Variants in GRIK1 observed in about 807,000 individuals in gnomAD.
GRIK1 encodes glutamate receptor ionotropic, kainate 1.
Under a neutral mutation model 105.7 loss-of-function variants are expected in GRIK1, and 69 were observed. The observed-to-expected ratio is 0.65, with a 90% CI of 0.54 to 0.80. GRIK1 has a LOEUF of 0.80. Ranked by LOEUF, GRIK1 falls within the 30% of genes least tolerant of loss-of-function variation. The pLI is 0.00. For missense variants in GRIK1, 1,109 were observed against 1,167.3 expected, an observed-to-expected ratio of 0.95 and a Z score of 0.73; for synonymous variants, 438 against 431.3, an observed-to-expected ratio of 1.02 and a Z score of -0.19.
chr21:29,566,470 G>A (rs144582827), intron 14 of GRIK1, among the ~76,000 whole-genome samples: 218 of 152,262 alleles, frequency 1.4e-3, no homozygotes, highest in African/African-American at 5.1e-3. Flanking sequence ...TCCTCATGCT[G>A]ATGAAACATT....
At chr21:29,710,017 G>A (rs1370560154) in intron 1 of GRIK1, among the ~76,000 whole-genome samples, 2 of 151,300 alleles carry the variant, frequency 1.3e-5, no homozygotes, top group Non-Finnish European at 3.0e-5. Flanking sequence ...TTTATGGTTT[G>A]GAAGGCAGAT....
At chr21:29,658,300 C>T (rs570407657) in intron 4 of GRIK1, among the ~76,000 whole-genome samples, 3 of 152,142 alleles carry the variant, frequency 2.0e-5, no homozygotes, top group South Asian at 2.1e-4. Context: ...CTCATTCTGT[C>T]GCCCCAGGCT....
chr21:29,745,733 G>C (rs1465073127), intron 1 of GRIK1, among the ~76,000 whole-genome samples: 2 of 152,080 alleles, frequency 1.3e-5, no homozygotes, highest in East Asian at 3.9e-4. Context: ...ATGAAAAGTG[G>C]GTCCATGAAA....
rs368132810 is a variant in GRIK1, at chr21:29,877,999, C to T, written c.118+61384G>A. Among the ~76,000 whole-genome samples the T allele has an allele frequency of 4.2e-4, 64 of 152,156 alleles. No individual in the cohort carries two copies. In the East Asian group the frequency reaches 8.1e-3, roughly 19 times the overall value. On this transcript the variant is annotated intron_variant, in intron 1 of 17. Transcript: ENST00000327783. Reference sequence around the variant, plus strand: ...GTGGAATGTGGGGAGATTAATTATGCCTAGGAGGCACTATGGGAAGAGTTT... The same window carrying T: ...GTGGAATGTGGGGAGATTAATTATGTCTAGGAGGCACTATGGGAAGAGTTT...
chr21:29,938,057 C>A (rs2071834441), intron 1 of GRIK1, among the ~76,000 whole-genome samples: 2 of 152,150 alleles, frequency 1.3e-5, no homozygotes, highest in Admixed American at 1.3e-4. Context: ...TAGCACATTT[C>A]TATTTTTCTT....
In GRIK1 at chr21:29,793,377, T is replaced by A. The variant is rs554611296; in HGVS notation, c.119-99314A>T. Among the ~76,000 whole-genome samples the A allele has an allele frequency of 1.4e-3, 212 of 152,292 alleles. 1 individual carries two copies. Among genetic ancestry groups the A allele is most frequent in the Admixed American group, 0.013 (194 of 15,292 alleles). ...TTGCTCCCCCAAGTCCCATAGTGCC[T>A]AGCTGCTTCCATATGTAACAGCCCT... is the stretch of plus-strand genomic sequence containing the variant. On this transcript the variant is annotated intron_variant, in intron 1 of 17. Transcript: ENST00000327783.
Position 29,561,714 on chromosome 21 carries a change from T to C in GRIK1, c.2266A>G (p.Ser756Gly). 6.2e-7 allele frequency: 1 copy of C among 1,614,140 alleles called. No homozygotes were observed. The highest frequency in any genetic ancestry group is 8.5e-7 in the Non-Finnish European group (1 of 1,179,966). The change falls in exon 15 of 18, where the codon AGC becomes GGC. Residue 756 changes from serine to glycine, a missense_variant. This residue lies in a region of GRIK1 where 264 missense variants were observed against 306.9 expected (regional missense o/e 0.86). Coordinates refer to ENST00000327783, the MANE Select transcript of GRIK1 (RefSeq NM_001330994.2). ...TDYALLMEST[S>G]IEYVTQRNCN... ...TTTCTCTGCGTCACATACTCAATGC[T>C]GGTGGACTCCATCAGCAGCGCGTAG...
intron 1 of GRIK1, among the ~76,000 whole-genome samples, chr21:29,760,848 T>C (rs529122378): frequency 1.3e-4 from 20 of 152,294 alleles, no homozygotes; most frequent in African/African-American, 3.8e-4. Context: ...GATTCACAGC[T>C]CATACAACGC....
At chr21:29,825,116 T>C (rs1021109880) in intron 1 of GRIK1, among the ~76,000 whole-genome samples, 4 of 152,092 alleles carry the variant, frequency 2.6e-5, no homozygotes, top group Admixed American at 2.6e-4. Flanking sequence ...GATTAAAGAA[T>C]AATTCGGTTC....
In GRIK1 at chr21:29,651,882, C is replaced by G. The variant is rs549553161; in HGVS notation, c.781-591G>C. 1.1e-4 allele frequency among the ~76,000 whole-genome samples: 17 copies of G among 151,864 alleles called. No individual in the cohort carries two copies. The South Asian group carries it at 3.5e-3, about 32-fold the overall frequency. On this transcript the variant is annotated intron_variant, in intron 5 of 17. Transcript: ENST00000327783. ...GCTATAGATTAAAACAAAATGGCAG[C>G]CGTACCACACTATTTCAATAAAAGA... is the stretch of plus-strand genomic sequence containing the variant.
At chr21:29,725,680 G>A (rs1236992006) in intron 1 of GRIK1, among the ~76,000 whole-genome samples, 3 of 152,152 alleles carry the variant, frequency 2.0e-5, no homozygotes, top group Non-Finnish European at 4.4e-5. Context: ...TACAAAGAAT[G>A]AACTGTAATA....
intron 1 of GRIK1, among the ~76,000 whole-genome samples, chr21:29,779,025 G>A (rs2066019140): frequency 6.6e-6 from 1 of 152,170 alleles, no homozygotes. Context: ...AAGAAAATAA[G>A]TCTTCCTATT....
intron 1 of GRIK1, among the ~76,000 whole-genome samples, chr21:29,911,613 C>G (rs1351246313): frequency 1.3e-5 from 2 of 152,020 alleles, no homozygotes; most frequent in African/African-American, 4.8e-5. Context: ...TGGGATGGTA[C>G]TGGTAGGCGG....
chr21:29,616,243 C>T (rs1227456010), intron 7 of GRIK1, among the ~76,000 whole-genome samples: 1 of 152,190 alleles, frequency 6.6e-6, no homozygotes, highest in African/African-American at 2.4e-5. Flanking sequence ...TTTTCAGACA[C>T]AGGAGACTGA....
chr21:29,711,132 A>G (rs2146814455), intron 1 of GRIK1, among the ~76,000 whole-genome samples: 1 of 152,310 alleles, frequency 6.6e-6, no homozygotes, highest in East Asian at 1.9e-4. Flanking sequence ...TTCTTAAAAC[A>G]TGAGGTAGAA....
rs141099479 is a variant in GRIK1 at position 29,769,540 on chromosome 21, G to A, written c.119-75477C>T. Among the ~76,000 whole-genome samples, 328 of 152,204 alleles carry A rather than the reference G, an allele frequency of 2.2e-3. 1 individual carries two copies. Among genetic ancestry groups the A allele is most frequent in the African/African-American group, 7.5e-3 (313 of 41,524 alleles). ...TGTGCAACCTACATCCCTCCCATGC[G>A]CAGTTCACAATAGGGTTTGCGCTCC... On this transcript the variant is annotated intron_variant, in intron 1 of 17. Coordinates refer to ENST00000327783, the MANE Select transcript of GRIK1 (RefSeq NM_001330994.2).
At chr21:29,591,379 C>G (rs1003450652) in intron 9 of GRIK1, among the ~76,000 whole-genome samples, 154 bp from the exon 10 acceptor site, 3 of 148,798 alleles carry the variant, frequency 2.0e-5, no homozygotes, top group Non-Finnish European at 4.4e-5. Context: ...GGAAATGAAA[C>G]AACAGAGGAA....
At chr21:29,790,035 ATATT>A (rs879602252) in intron 1 of GRIK1, among the ~76,000 whole-genome samples, 2 of 152,116 alleles carry the variant, frequency 1.3e-5, no homozygotes, top group African/African-American at 2.4e-5. Context: ...GTCTCCTTTA[ATATT>A]TATTTATTTA....
At chr21:29,898,812 T>C (rs939685793) in intron 1 of GRIK1, among the ~76,000 whole-genome samples, 1 of 152,160 alleles carries the variant, frequency 6.6e-6, no homozygotes, top group African/African-American at 2.4e-5. Flanking sequence ...CAAATAAGTA[T>C]TCAAAGTAGA....
Sources: allele counts gnomAD v4.1 joint callset (sites outside exome capture counted in the v4.1 genomes callset), GRCh38; gene constraint gnomAD v4.1.1; regional missense constraint gnomAD v4.1.1; transcripts MANE v1.5; gene names NCBI Gene and HGNC (gene_info 2026-07-23, HGNC 2026-07-21).